Variants in DUSP8 observed in about 807,000 individuals in gnomAD.
DUSP8 encodes dual specificity protein phosphatase 8.
A neutral mutation model predicts 38.7 loss-of-function variants in DUSP8; 15 were observed. The observed-to-expected ratio is 0.39, with a 90% CI of 0.26 to 0.60. DUSP8 has a LOEUF of 0.60. Among genes scored for constraint, DUSP8 ranks in the 20% least tolerant of loss-of-function variants. The pLI is 0.56. For missense variants in DUSP8, 768 were observed against 915.0 expected, an observed-to-expected ratio of 0.84 and a Z score of 2.07; for synonymous variants, 458 against 433.9, an observed-to-expected ratio of 1.06 and a Z score of -0.69.
At chr11:1,560,244 G>A (rs1428450981) in intron 3 of DUSP8, among the ~76,000 whole-genome samples, 4 of 152,174 alleles carry the variant, frequency 2.6e-5, no homozygotes, top group Non-Finnish European at 4.4e-5. Flanking sequence ...GGGGAGTGAC[G>A]GCGGGAGCTC....
chr11:1,558,327 G>A lies in DUSP8; in HGVS notation c.538-56C>T, dbSNP rs1209426757. The A allele has an allele frequency of 3.0e-6, 4 of 1,340,452 alleles. No homozygotes were observed. Among genetic ancestry groups the A allele is most frequent in the Non-Finnish European group, 4.1e-6 (4 of 968,906 alleles). The allele number at this position is 1,340,452 out of a possible 1,614,324, so 83.0% of individuals were successfully genotyped here. Reference sequence around the variant, plus strand: ...GGTGGGAGAAGCTCGGGGCGGGAGTGAAGGTGGAGGCTTTTCCTGCCCTGC... The same window carrying A: ...GGTGGGAGAAGCTCGGGGCGGGAGTAAAGGTGGAGGCTTTTCCTGCCCTGC... On this transcript the variant is annotated intron_variant, in intron 4 of 6. Transcript: ENST00000397374. The surrounding 1 kb of genome is among the most constrained non-coding windows in gnomAD (Gnocchi z 6.3).
chr11:1,558,854 C>T lies in DUSP8; in HGVS notation c.537+35G>A, dbSNP rs772796442. On this transcript the variant is annotated intron_variant, in intron 4 of 6. Transcript: ENST00000397374. The surrounding 1 kb of genome is among the most constrained non-coding windows in gnomAD (Gnocchi z 6.3). ...GCTTCTGGAGCTCCTGCCCCTTTCCCATTGACCACCCCCCGAACTCCACTG... is the reference window on the plus strand; with the variant it reads ...GCTTCTGGAGCTCCTGCCCCTTTCCTATTGACCACCCCCCGAACTCCACTG... 83 of 1,573,016 alleles carry T rather than the reference C, an allele frequency of 5.3e-5. No individual in the cohort carries two copies. The highest frequency in any genetic ancestry group is 5.4e-5 in the Non-Finnish European group (62 of 1,156,252).
In DUSP8 at chr11:1,558,260, C is replaced by T. The variant is rs372897753; in HGVS notation, c.549G>A (p.Thr183=). The T allele has an allele frequency of 1.8e-5, 23 of 1,292,062 alleles. No homozygotes were observed. Among genetic ancestry groups the T allele is most frequent in the Middle Eastern group, 3.0e-4 (1 of 3,280 alleles). 80.0% of individuals were successfully genotyped at this position (1,292,062 alleles called of 1,614,324 possible). A position where few individuals can be genotyped will look rare whatever the true frequency, so the allele number is the denominator to read the frequency against. Reference sequence around the variant, plus strand: ...TGAGGACGTAGCTTATTCCATTTTGCGTCATCAGATCCTGGAGGGGCGGGA... The same window carrying T: ...TGAGGACGTAGCTTATTCCATTTTGTGTCATCAGATCCTGGAGGGGCGGGA... ...QKDVLNKDLM[T]QNGISYVLNA... Residue 183 remains threonine (T), a synonymous_variant, in exon 5 of 7, where the codon ACG becomes ACA. Transcript: ENST00000397374. This position sits in a 1 kb window ranked among gnomAD's most constrained non-coding sequence, Gnocchi z 6.3.
chr11:1,572,511 G>T (rs1250956596), upstream of DUSP8, among the ~76,000 whole-genome samples: 1 of 151,594 alleles, frequency 6.6e-6, no homozygotes, highest in Non-Finnish European at 1.5e-5. The surrounding 1 kb of genome is among the most constrained non-coding windows in gnomAD (Gnocchi z 4.7). Context: ...CTCTTAAAGG[G>T]ACCACGCGGC....
chr11:1,557,326 TC>T lies in DUSP8; in HGVS notation c.1069del (p.Glu357SerfsTer118). 3 of 1,503,966 alleles carry T rather than the reference TC, an allele frequency of 2.0e-6. No homozygotes were observed. Among genetic ancestry groups the T allele is most frequent in the Admixed American group, 2.3e-5 (1 of 43,136 alleles). 93.2% of individuals were successfully genotyped at this position (1,503,966 alleles called of 1,614,324 possible). A position where few individuals can be genotyped will look rare whatever the true frequency, so the allele number is the denominator to read the frequency against. ...AREGGLSAGG[E>X]PPAPPTPPAT... ...CGGGGGCGTGGGGGGCGCGGGGGGC[TC>T]CCCGCCCGCGCTCAGGCCGCCCTCC... On this transcript the variant is annotated frameshift_variant, in exon 7 of 7. Transcript: ENST00000397374. LOFTEE classifies it high-confidence loss of function. This position sits in a 1 kb window ranked among gnomAD's most constrained non-coding sequence, Gnocchi z 9.9.
At chr11:1,567,352 G>A (rs1261594765) in intron 1 of DUSP8, among the ~76,000 whole-genome samples, 1 of 152,210 alleles carries the variant, frequency 6.6e-6, no homozygotes, top group African/African-American at 2.4e-5. Context: ...ACAGCAGGCT[G>A]GGGACAGAGG....
Position 1,556,346 on chromosome 11 carries a change from C to G in DUSP8, c.*172G>C. On this transcript the variant is annotated 3_prime_UTR_variant, in exon 7 of 7. Coordinates refer to ENST00000397374, the MANE Select transcript of DUSP8 (RefSeq NM_004420.3). This position sits in a 1 kb window ranked among gnomAD's most constrained non-coding sequence, Gnocchi z 5.2. ...GTAAAAATAGAGCTCGAGGACCACC[C>G]GCACTGTTGCCAAATCATTGCCAGA... The G allele has an allele frequency of 1.2e-6, 1 of 867,540 alleles. No individual in the cohort carries two copies. Among genetic ancestry groups the G allele is most frequent in the African/African-American group, 1.7e-5 (1 of 57,374 alleles). The allele number at this position is 867,540 out of a possible 1,614,324, so 53.7% of individuals were successfully genotyped here. A position where few individuals can be genotyped will look rare whatever the true frequency, so the allele number is the denominator to read the frequency against.
In DUSP8 at chr11:1,557,632, G is replaced by A. The variant is rs1051332776; in HGVS notation, c.822-58C>T. The A allele has an allele frequency of 1.7e-5, 25 of 1,503,818 alleles. No individual in the cohort carries two copies. The highest frequency in any genetic ancestry group is 9.6e-5 in the East Asian group (4 of 41,776). The allele number at this position is 1,503,818 out of a possible 1,614,324, so 93.2% of individuals were successfully genotyped here. A position where few individuals can be genotyped will look rare whatever the true frequency, so the allele number is the denominator to read the frequency against. On this transcript the variant is annotated intron_variant, in intron 6 of 6. Transcript: ENST00000397374. This position sits in a 1 kb window ranked among gnomAD's most constrained non-coding sequence, Gnocchi z 9.9. The stretch of plus-strand genomic sequence containing the variant: ...GCCGGGGCCAGGCTGCCCACCTGAC[G>A]CACCCGCTGGGCACCCACGAGCTCA...
chr11:1,557,221 C>T lies in DUSP8; in HGVS notation c.1175G>A (p.Arg392His). The change falls in exon 7 of 7, where the codon CGC becomes CAC. Residue 392 changes from arginine (R) to histidine (H), a missense_variant. Physicochemically the swap from Arg to His is conservative, Grantham distance 29 (BLOSUM62 0). Coordinates refer to ENST00000397374, the MANE Select transcript of DUSP8 (RefSeq NM_004420.3). This position sits in a 1 kb window ranked among gnomAD's most constrained non-coding sequence, Gnocchi z 9.9. ...AGACTTGATGTCCAGGGAGAAGGAG[C>T]GCTTGAGGCGGTTAGTGTCCTGCAG... ...DRLQDTNRLK[R>H]SFSLDIKSAY... is the part of the protein sequence containing the mutation. 6.7e-7 allele frequency: 1 copy of T among 1,496,578 alleles called. No homozygotes were observed. Among genetic ancestry groups the T allele is most frequent in the South Asian group, 1.3e-5 (1 of 79,956 alleles). 92.7% of individuals were successfully genotyped at this position (1,496,578 alleles called of 1,614,324 possible). A position where few individuals can be genotyped will look rare whatever the true frequency, so the allele number is the denominator to read the frequency against.
At chr11:1,570,287 C>T (rs779102565) in intron 1 of DUSP8, among the ~76,000 whole-genome samples, 4 of 152,162 alleles carry the variant, frequency 2.6e-5, no homozygotes, top group South Asian at 2.1e-4. Context: ...ACCAGTGTGG[C>T]GCTTCCAAGG....
intron 3 of DUSP8, chr11:1,559,261 C>T: frequency 1.9e-6 from 1 of 522,630 alleles, no homozygotes; most frequent in Non-Finnish European, 3.3e-6. Flanking sequence ...CACACATTTA[C>T]AGCCTGCACC....
chr11:1,561,303 A>G (rs141825788), intron 3 of DUSP8, among the ~76,000 whole-genome samples: 1,707 of 152,266 alleles, frequency 0.011, 17 homozygotes, highest in Non-Finnish European at 0.015. Context: ...CCAGACTTGA[A>G]AAAAGGCGTG....
At position 1,563,991 on chromosome 11, in the gene DUSP8, TG is replaced by T; in HGVS notation, c.232-3del. The T allele has an allele frequency of 1.4e-6, 2 of 1,461,732 alleles. No individual in the cohort carries two copies. The highest frequency in any genetic ancestry group is 1.4e-5 in the South Asian group (1 of 72,734). The allele number at this position is 1,461,732 out of a possible 1,614,324, so 90.5% of individuals were successfully genotyped here. ...GTCCTGTGGCTCCGTAGCCTCCACC[TG>T]GGGGCCATGGGGCAGAGATCAGCAT... On this transcript the variant is annotated splice_polypyrimidine_tract_variant and splice_region_variant and intron_variant, in intron 2 of 6. Transcript: ENST00000397374.
In DUSP8 at chr11:1,564,989, C is replaced by T. The variant is rs117797542; in HGVS notation, c.231+607G>A. On this transcript the variant is annotated intron_variant, in intron 2 of 6. Transcript: ENST00000397374. ...CACAGGTCAACAGCCCCGCTGGTCC[C>T]TCCCCAGCTGCACCTGATGGTCCTG... 7.5e-3 allele frequency among the ~76,000 whole-genome samples: 1,136 copies of T among 152,350 alleles called. 6 individuals are homozygous for T. Among genetic ancestry groups the T allele is most frequent in the Non-Finnish European group, 0.013 (892 of 68,020 alleles).
chr11:1,559,167 C>T, intron 3 of DUSP8, 112 bp from the exon 4 acceptor site: 4 of 1,062,732 alleles, frequency 3.8e-6, no homozygotes, highest in Non-Finnish European at 5.2e-6. Flanking sequence ...TCAGTCACAC[C>T]CAGCCCAGAC....
In DUSP8 at chr11:1,572,248, C is replaced by A. The variant is rs1848916705; in HGVS notation, c.-456G>T. Among the ~76,000 whole-genome samples, 1 of 147,412 alleles carries A rather than the reference C, an allele frequency of 6.8e-6. No individual in the cohort carries two copies. The highest frequency in any genetic ancestry group is 2.5e-5 in the African/African-American group (1 of 40,670). ...CGGGGCGTCGTGGGGGGAGCCGGCT[C>A]GGCCGCCGCGCTCGGCCGCGAGTGA... On this transcript the variant is annotated 5_prime_UTR_variant, in exon 1 of 7. Coordinates refer to ENST00000397374, the MANE Select transcript of DUSP8 (RefSeq NM_004420.3). This position sits in a 1 kb window ranked among gnomAD's most constrained non-coding sequence, Gnocchi z 4.7.
At position 1,555,516 on chromosome 11, in the gene DUSP8, C is replaced by T. The variant is rs1848608077; in HGVS notation, c.*1002G>A. 3.4e-5 allele frequency: 33 copies of T among 967,362 alleles called. No homozygotes were observed. The highest frequency in any genetic ancestry group is 3.8e-5 in the Non-Finnish European group (31 of 813,202). The allele number at this position is 967,362 out of a possible 1,614,324, so 59.9% of individuals were successfully genotyped here. On this transcript the variant is annotated 3_prime_UTR_variant, in exon 7 of 7. Coordinates refer to ENST00000397374, the MANE Select transcript of DUSP8 (RefSeq NM_004420.3). ...GGGGCGGGGCAGACCTGGAACAGAACCCTAAGACCACCCCCTCCTCATACC... is the reference window on the plus strand; with the variant it reads ...GGGGCGGGGCAGACCTGGAACAGAATCCTAAGACCACCCCCTCCTCATACC...
Position 1,557,345 on chromosome 11 carries a change from C to G in DUSP8, c.1051G>C (p.Gly351Arg). ...ATGNAAAREG[G>R]LSAGGEPPAP... is the part of the protein sequence containing the mutation. ...GGGGGCTCCCCGCCCGCGCTCAGGCCGCCCTCCCTGGCAGCCGCATTCCCT... is the reference window on the plus strand; with the variant it reads ...GGGGGCTCCCCGCCCGCGCTCAGGCGGCCCTCCCTGGCAGCCGCATTCCCT... Residue 351 changes from glycine to arginine, a missense_variant, in exon 7 of 7, where the codon GGC becomes CGC. Gly to Arg is a moderately radical substitution (Grantham distance 125). This residue lies in a region of DUSP8 where 474 missense variants were observed against 430.8 expected (regional missense o/e 1.10). Coordinates refer to ENST00000397374, the MANE Select transcript of DUSP8 (RefSeq NM_004420.3). This position sits in a 1 kb window ranked among gnomAD's most constrained non-coding sequence, Gnocchi z 9.9. 1 of 1,545,136 alleles carries G rather than the reference C, an allele frequency of 6.5e-7. No homozygotes were observed. Among genetic ancestry groups the G allele is most frequent in the Non-Finnish European group, 8.6e-7 (1 of 1,158,598 alleles).
Position 1,556,497 on chromosome 11 carries a change from G to A in DUSP8, c.*21C>T. ...ATAACGGGCCTGGCTGCGGGCGGCGGGGCCGAGGGCAGCGGAGGGGTCAGG... is the reference window on the plus strand; with the variant it reads ...ATAACGGGCCTGGCTGCGGGCGGCGAGGCCGAGGGCAGCGGAGGGGTCAGG... On this transcript the variant is annotated 3_prime_UTR_variant, in exon 7 of 7. Transcript: ENST00000397374. This position sits in a 1 kb window ranked among gnomAD's most constrained non-coding sequence, Gnocchi z 5.2. The A allele has an allele frequency of 1.6e-6, 2 of 1,233,332 alleles. No individual in the cohort carries two copies. The highest frequency in any genetic ancestry group is 2.0e-6 in the Non-Finnish European group (2 of 988,226). The allele number at this position is 1,233,332 out of a possible 1,614,324, so 76.4% of individuals were successfully genotyped here.
Sources: gnomAD v4.1 joint callset for allele counts (sites outside exome capture counted in the v4.1 genomes callset) on GRCh38, gnomAD v4.1.1 for gene constraint, gnomAD v4.1.1 regional missense constraint, Gnocchi (gnomAD v3.1) non-coding constraint, MANE v1.5 for transcripts, NCBI Gene and HGNC (gene_info 2026-07-23, HGNC 2026-07-21) for gene names.